The following FOXK2 variants were observed in gnomAD, a reference collection of about 807,000 sequenced individuals.
FOXK2 encodes forkhead box K2, also known as forkhead box protein K2.
A neutral mutation model predicts 53.3 loss-of-function variants in FOXK2; 24 were observed. The ratio of observed to expected loss-of-function variants is 0.45; its 90% CI spans 0.33 to 0.63. FOXK2 has a LOEUF of 0.63. Ranked by LOEUF, FOXK2 falls within the 30% of genes least tolerant of loss-of-function variation. The pLI is 0.03. For synonymous variants in FOXK2, 505 were observed against 407.1 expected, an observed-to-expected ratio of 1.24 and a Z score of -2.89; for missense variants, 952 against 910.5, an observed-to-expected ratio of 1.05 and a Z score of -0.59.
chr17:82,589,048 ACT>A (rs1361948387), intron 8 of FOXK2, among the ~76,000 whole-genome samples: 2 of 151,866 alleles, frequency 1.3e-5, no homozygotes, highest in Non-Finnish European at 2.9e-5. Context: ...ACCGTGCGAG[ACT>A]CTGTCTCAAC....
At chr17:82,563,150 G>A (rs1319822500) in intron 1 of FOXK2, among the ~76,000 whole-genome samples, 2 of 152,038 alleles carry the variant, frequency 1.3e-5, no homozygotes, top group Admixed American at 6.6e-5. Flanking sequence ...TCTAAGTAGC[G>A]TTTTCTTACT....
intron 4 of FOXK2, among the ~76,000 whole-genome samples, chr17:82,582,021 C>A (rs903318958): frequency 3.9e-5 from 6 of 152,304 alleles, no homozygotes; most frequent in Non-Finnish European, 8.8e-5. Flanking sequence ...TGATTTTCAG[C>A]CTCCTGCTCA....
chr17:82,581,989 TC>T (rs1376217229), intron 4 of FOXK2, among the ~76,000 whole-genome samples: 2 of 152,200 alleles, frequency 1.3e-5, no homozygotes, highest in African/African-American at 4.8e-5. Flanking sequence ...AGTCCTCTCT[TC>T]CTGGAAGATG....
intron 1 of FOXK2, among the ~76,000 whole-genome samples, chr17:82,521,720 A>G (rs1259122056): frequency 1.5e-4 from 21 of 143,890 alleles, no homozygotes; most frequent in Non-Finnish European, 2.6e-4. Flanking sequence ...TCACGAGGTC[A>G]GGAGGTCGAG....
chr17:82,528,510 C>T (rs1299609230), intron 1 of FOXK2, among the ~76,000 whole-genome samples: 1 of 152,134 alleles, frequency 6.6e-6, no homozygotes, highest in Non-Finnish European at 1.5e-5. Flanking sequence ...TCAACCTCCA[C>T]ACTTTTTCAT....
chr17:82,550,849 C>T (rs1468924291), intron 1 of FOXK2, among the ~76,000 whole-genome samples: 1 of 152,170 alleles, frequency 6.6e-6, no homozygotes, highest in African/African-American at 2.4e-5. Context: ...AAGCCTGAAA[C>T]CGGCCTTGTC....
intron 2 of FOXK2, among the ~76,000 whole-genome samples, chr17:82,567,508 C>G (rs1029232059): frequency 1.3e-5 from 2 of 152,184 alleles, no homozygotes; most frequent in African/African-American, 2.4e-5. Context: ...CCGGGCGCCC[C>G]CAGCTGACTG....
Position 82,520,077 on chromosome 17 carries a change from C to G in FOXK2, c.189C>G (p.Gly63=). The change falls in exon 1 of 9, where the codon GGC becomes GGG. Residue 63 remains glycine (G), a synonymous_variant. Coordinates refer to ENST00000335255, the MANE Select transcript of FOXK2 (RefSeq NM_004514.4). ...CCATCGGCCGCAACTCGTCGCAGGG[C>G]TCGGTGGACGTGAGCATGGGCCACT... The part of the protein sequence containing the change: ...SVTIGRNSSQ[G]SVDVSMGHSS... 1.3e-6 allele frequency: 2 copies of G among 1,545,386 alleles called. No homozygotes were observed. Among genetic ancestry groups the G allele is most frequent in the Non-Finnish European group, 1.7e-6 (2 of 1,147,908 alleles).
intron 4 of FOXK2, 149 bp downstream of exon 4, chr17:82,572,019 G>A (rs1051516069): frequency 1.4e-5 from 9 of 665,906 alleles, no homozygotes; most frequent in Admixed American, 4.0e-5. Context: ...GTTGGGGGCC[G>A]GTGCTGCCAT....
intron 4 of FOXK2, among the ~76,000 whole-genome samples, chr17:82,573,035 A>T (rs1284717557): frequency 6.6e-6 from 1 of 151,368 alleles, no homozygotes; most frequent in African/African-American, 2.4e-5. Context: ...TACAAAAAAT[A>T]AAAAAAAATT....
intron 8 of FOXK2, among the ~76,000 whole-genome samples, chr17:82,588,602 G>A (rs1598235320): frequency 6.6e-6 from 1 of 152,274 alleles, no homozygotes; most frequent in South Asian, 2.1e-4. Context: ...AGGCTTGGCT[G>A]TTAGAGGCCA....
intron 1 of FOXK2, among the ~76,000 whole-genome samples, chr17:82,533,271 C>T (rs1033305934): frequency 1.3e-5 from 2 of 152,050 alleles, no homozygotes; most frequent in Non-Finnish European, 2.9e-5. Flanking sequence ...GGTGGATCAC[C>T]TGAGGTCAGG....
chr17:82,590,546 C>T (rs571766748), intron 8 of FOXK2, among the ~76,000 whole-genome samples: 7 of 152,076 alleles, frequency 4.6e-5, no homozygotes, highest in African/African-American at 9.6e-5. Context: ...ATTGGGTTGT[C>T]TTTTTGTTGT....
At chr17:82,582,233 T>C (rs2143091405) in intron 4 of FOXK2, among the ~76,000 whole-genome samples, 1 of 152,296 alleles carries the variant, frequency 6.6e-6, no homozygotes, top group Middle Eastern at 3.4e-3. Flanking sequence ...ACAGTTGCAG[T>C]CCTGGGTTTC....
intron 1 of FOXK2, among the ~76,000 whole-genome samples, chr17:82,537,677 A>G (rs915468712): frequency 6.7e-6 from 1 of 150,206 alleles, no homozygotes; most frequent in Non-Finnish European, 1.5e-5. Context: ...CTGTTTGCCA[A>G]CACTTTTGGA....
chr17:82,552,306 G>A (rs2144094442), intron 1 of FOXK2, among the ~76,000 whole-genome samples: 1 of 152,306 alleles, frequency 6.6e-6, no homozygotes, highest in Non-Finnish European at 1.5e-5. Context: ...AAACCCGCAT[G>A]TTCAGTCTCT....
chr17:82,550,685 T>G (rs1459149152), intron 1 of FOXK2, among the ~76,000 whole-genome samples: 3 of 151,826 alleles, frequency 2.0e-5, no homozygotes, highest in African/African-American at 7.3e-5. Context: ...GTTGTATTTT[T>G]TAATAGAGAC....
intron 1 of FOXK2, among the ~76,000 whole-genome samples, chr17:82,556,067 A>G (rs1471218498): frequency 1.3e-5 from 2 of 152,174 alleles, no homozygotes; most frequent in Non-Finnish European, 2.9e-5. Flanking sequence ...CTGTCTATAC[A>G]GAAAAGTGTG....
At chr17:82,531,638 T>C (rs2044472739) in intron 1 of FOXK2, among the ~76,000 whole-genome samples, 1 of 152,186 alleles carries the variant, frequency 6.6e-6, no homozygotes, top group African/African-American at 2.4e-5. Flanking sequence ...TGTAACATGG[T>C]GTTTGTGTAT....
Sources: gnomAD v4.1 joint callset for allele counts (sites outside exome capture counted in the v4.1 genomes callset) on GRCh38, gnomAD v4.1.1 for gene constraint, MANE v1.5 for transcripts, NCBI Gene and HGNC (gene_info 2026-07-23, HGNC 2026-07-21) for gene names.